The following ATG7 variants were observed in gnomAD, a reference collection of about 807,000 sequenced individuals.
ATG7 encodes the protein ubiquitin-like modifier-activating enzyme ATG7.
Under a neutral mutation model 82.4 loss-of-function variants are expected in ATG7, and 70 were observed. That is an observed-to-expected ratio of 0.85 (90% CI 0.70 to 1.04). ATG7 has a LOEUF of 1.04. ATG7 is among the 50% of genes least tolerant of loss of function. The pLI, the probability that ATG7 is intolerant of heterozygous loss-of-function variation, is 0.00. For synonymous variants in ATG7, 287 were observed against 313.0 expected, an observed-to-expected ratio of 0.92 and a Z score of 0.88; for missense variants, 792 against 864.3, an observed-to-expected ratio of 0.92 and a Z score of 1.05.
At chr3:11,277,021 C>G (rs1046040685) in intron 1 of ATG7, among the ~76,000 whole-genome samples, 27 of 152,310 alleles carry the variant, frequency 1.8e-4, no homozygotes, top group African/African-American at 6.0e-4. Context: ...TGAGAGTCAT[C>G]TCAGACTCTT....
At chr3:11,465,239 G>C (rs1418391232) in intron 20 of ATG7, among the ~76,000 whole-genome samples, 1 of 151,614 alleles carries the variant, frequency 6.6e-6, no homozygotes, top group Non-Finnish European at 1.5e-5. Flanking sequence ...TGTGGATCCA[G>C]ATCGAGACCA....
chr3:11,493,705 T>G (rs2090586376), intron 20 of ATG7, among the ~76,000 whole-genome samples: 1 of 152,098 alleles, frequency 6.6e-6, no homozygotes, highest in Admixed American at 6.5e-5. Context: ...AGGTAAATAC[T>G]TAGATACAAA....
At chr3:11,340,403 A>G (rs1451592504) in intron 11 of ATG7, among the ~76,000 whole-genome samples, 1 of 152,012 alleles carries the variant, frequency 6.6e-6, no homozygotes, top group Non-Finnish European at 1.5e-5. Context: ...CTGTACAGGA[A>G]GATTGCTTGG....
At chr3:11,297,453 C>A (rs1175530343) in intron 3 of ATG7, among the ~76,000 whole-genome samples, 1 of 152,078 alleles carries the variant, frequency 6.6e-6, no homozygotes, top group African/African-American at 2.4e-5. Flanking sequence ...AGTGAAGGGA[C>A]CTTATCAATT....
chr3:11,454,401 A>G (rs73812458), intron 20 of ATG7, among the ~76,000 whole-genome samples: 4 of 152,352 alleles, frequency 2.6e-5, no homozygotes, highest in African/African-American at 9.6e-5. Flanking sequence ...TTTGGCTAAG[A>G]GGCTGCGATT....
chr3:11,473,060 G>A (rs1318472146), intron 20 of ATG7, among the ~76,000 whole-genome samples: 1 of 152,096 alleles, frequency 6.6e-6, no homozygotes, highest in Non-Finnish European at 1.5e-5. Context: ...GCTATTAGGT[G>A]ACTTTCTGAT....
chr3:11,420,097 T>C (rs1171098701), intron 19 of ATG7, among the ~76,000 whole-genome samples: 2 of 152,188 alleles, frequency 1.3e-5, no homozygotes, highest in Non-Finnish European at 2.9e-5. Context: ...TTTCTTTTCT[T>C]TTTTGGGTAG....
chr3:11,498,532 T>C (rs567390917), intron 20 of ATG7, among the ~76,000 whole-genome samples: 1 of 152,138 alleles, frequency 6.6e-6, no homozygotes, highest in Non-Finnish European at 1.5e-5. Flanking sequence ...GGATTAATCT[T>C]CCAAAAACAT....
At chr3:11,316,406 G>A (rs768616146) in intron 9 of ATG7, among the ~76,000 whole-genome samples, 20 of 151,728 alleles carry the variant, frequency 1.3e-4, no homozygotes, top group Non-Finnish European at 4.4e-5. Context: ...GTTTTTCCTC[G>A]TGTTGTATCA....
chr3:11,485,307 T>C (rs1270866937), intron 20 of ATG7, among the ~76,000 whole-genome samples: 1 of 152,148 alleles, frequency 6.6e-6, no homozygotes, highest in African/African-American at 2.4e-5. Flanking sequence ...TTGAGCATTT[T>C]TTCATGTGTT....
chr3:11,451,258 C>T lies in ATG7; in HGVS notation c.2079+24332C>T, dbSNP rs184756423. On this transcript the variant is annotated intron_variant, in intron 20 of 20. Transcript: ENST00000693202. Reference sequence around the variant, plus strand: ...GATCTATATCACTCTGTCACCCAGGCTGGAGTGTAGTGGCATGATCTTGGC... The same window carrying T: ...GATCTATATCACTCTGTCACCCAGGTTGGAGTGTAGTGGCATGATCTTGGC... Among the ~76,000 whole-genome samples the T allele has an allele frequency of 5.4e-5, 8 of 146,874 alleles. No homozygotes were observed. In the East Asian group the frequency reaches 1.4e-3, roughly 26 times the overall value.
intron 20 of ATG7, among the ~76,000 whole-genome samples, chr3:11,551,781 C>A (rs2071817454): frequency 6.6e-6 from 1 of 151,608 alleles, no homozygotes; most frequent in African/African-American, 2.4e-5. Context: ...CAGGGTCTCA[C>A]CCTGTCGCCC....
intron 9 of ATG7, among the ~76,000 whole-genome samples, chr3:11,326,594 G>A (rs889832278): frequency 2.6e-5 from 4 of 152,132 alleles, no homozygotes; most frequent in Non-Finnish European, 4.4e-5. Context: ...CACTGCACCC[G>A]GCCTAGAGTT....
chr3:11,332,550 A>G (rs1183275247), intron 10 of ATG7, among the ~76,000 whole-genome samples: 2 of 152,208 alleles, frequency 1.3e-5, no homozygotes, highest in Non-Finnish European at 2.9e-5. Context: ...CACAGTGCAA[A>G]TGGGCTTCCT....
intron 19 of ATG7, among the ~76,000 whole-genome samples, chr3:11,399,041 A>G (rs936031719): frequency 2.0e-5 from 3 of 152,184 alleles, no homozygotes; most frequent in African/African-American, 7.2e-5. Flanking sequence ...GTATCTTAGC[A>G]TTGAATTTTT....
At chr3:11,348,148 A>G (rs1954855119) in intron 14 of ATG7, 113 bp downstream of exon 14, 1 of 1,398,566 alleles carries the variant, frequency 7.2e-7, no homozygotes, top group African/African-American at 1.4e-5. Flanking sequence ...ACTTTCTACC[A>G]GCCACTCGCT....
At chr3:11,458,669 C>CTGAA (rs1435930137) in intron 20 of ATG7, among the ~76,000 whole-genome samples, 1 of 152,178 alleles carries the variant, frequency 6.6e-6, no homozygotes, top group Admixed American at 6.5e-5. Flanking sequence ...AATTGGAGAA[C>CTGAA]TGAAGCAAAT....
intron 20 of ATG7, among the ~76,000 whole-genome samples, chr3:11,452,363 C>T (rs111332679): frequency 8.8e-6 from 1 of 114,156 alleles, no homozygotes; most frequent in Non-Finnish European, 1.6e-5. Context: ...CCAGTCTGGG[C>T]GACAGAGCGA....
At chr3:11,551,272 G>A (rs1244512322) in intron 20 of ATG7, among the ~76,000 whole-genome samples, 1 of 152,196 alleles carries the variant, frequency 6.6e-6, no homozygotes, top group Non-Finnish European at 1.5e-5. Flanking sequence ...TCTTCTGTTC[G>A]GAGGGTTTCC....
Sources: allele counts gnomAD v4.1 joint callset (sites outside exome capture counted in the v4.1 genomes callset), GRCh38; gene constraint gnomAD v4.1.1; transcripts MANE v1.5; gene names NCBI Gene and HGNC (gene_info 2026-07-23, HGNC 2026-07-21).